The following TRAF3IP1 variants were observed in gnomAD, a reference collection of about 807,000 sequenced individuals.
TRAF3IP1 encodes TRAF3-interacting protein 1.
In TRAF3IP1, 53 loss-of-function variants were observed where a neutral mutation model predicts 89.9. The observed-to-expected ratio is 0.59, with a 90% CI of 0.47 to 0.74. The LOEUF (loss-of-function observed/expected upper bound fraction) is 0.74, where lower values mean the gene tolerates loss of function less well. Ranked by LOEUF, TRAF3IP1 falls within the 30% of genes least tolerant of loss-of-function variation. The pLI, the probability that TRAF3IP1 is intolerant of heterozygous loss-of-function variation, is 0.00. For missense variants in TRAF3IP1, 806 were observed against 866.1 expected, an observed-to-expected ratio of 0.93 and a Z score of 0.87; for synonymous variants, 311 against 322.1, an observed-to-expected ratio of 0.97 and a Z score of 0.37.
In TRAF3IP1 at chr2:238,348,819, A is replaced by T; in HGVS notation, c.1338A>T (p.Glu446Asp). The T allele has an allele frequency of 6.2e-7, 1 of 1,614,126 alleles. No homozygotes were observed. The highest frequency in any genetic ancestry group is 8.5e-7 in the Non-Finnish European group (1 of 1,180,000). The change falls in exon 11 of 17, where the codon GAA (glutamate) becomes GAT (aspartate). Residue 446 changes from glutamate (E) to aspartate (D), a missense_variant. This residue lies in a region of TRAF3IP1 where 732 missense variants were observed against 780.5 expected (regional missense o/e 0.94). Coordinates refer to ENST00000373327, the MANE Select transcript of TRAF3IP1 (RefSeq NM_015650.4). ...AGTCTGAGGTGCCAGAGACTCCAGA[A>T]ATTCCTAATGAGCTTTCATCCAACA... is the stretch of plus-strand genomic sequence containing the variant. Reference protein sequence around the residue: ...QDKSEVPETPEIPNELSSNIR... With the variant: ...QDKSEVPETPDIPNELSSNIR...
At chr2:238,382,017 G>A (rs1168893308) in intron 15 of TRAF3IP1, among the ~76,000 whole-genome samples, 7 of 152,120 alleles carry the variant, frequency 4.6e-5, no homozygotes, top group African/African-American at 1.7e-4. Context: ...ACCTGAAGCC[G>A]TAAAGAAGCA....
At chr2:238,348,180 C>A (rs1281701350) in intron 10 of TRAF3IP1, among the ~76,000 whole-genome samples, 8 of 150,170 alleles carry the variant, frequency 5.3e-5, no homozygotes, top group African/African-American at 1.7e-4. Flanking sequence ...ATATGGTATA[C>A]CAATGTAGAA....
chr2:238,391,078 C>T (rs1700975304), intron 15 of TRAF3IP1, among the ~76,000 whole-genome samples: 1 of 152,178 alleles, frequency 6.6e-6, no homozygotes, highest in Non-Finnish European at 1.5e-5. Flanking sequence ...GCTTAGCCTC[C>T]TGAGGAGCTG....
At position 238,334,920 on chromosome 2, in the gene TRAF3IP1, G is replaced by A. The variant is rs545493955; in HGVS notation, c.1063+885G>A. On this transcript the variant is annotated intron_variant, in intron 7 of 16. Coordinates refer to ENST00000373327, the MANE Select transcript of TRAF3IP1 (RefSeq NM_015650.4). ...TTCACCCCACACCTTCTCCAGTGTT[G>A]TTAAGGCATGCTGATTTTGATGGAC... Among the ~76,000 whole-genome samples, 4 of 152,308 alleles carry A rather than the reference G, an allele frequency of 2.6e-5. No homozygotes were observed. In the East Asian group the frequency reaches 7.7e-4, roughly 29 times the overall value.
intron 5 of TRAF3IP1, among the ~76,000 whole-genome samples, chr2:238,331,209 C>T (rs1458653851): frequency 6.6e-6 from 1 of 151,678 alleles, no homozygotes; most frequent in Non-Finnish European, 1.5e-5. Context: ...GCTTGTAATC[C>T]CAGCACTTTG....
At chr2:238,391,383 G>T (rs542139060) in intron 15 of TRAF3IP1, among the ~76,000 whole-genome samples, 2 of 152,314 alleles carry the variant, frequency 1.3e-5, no homozygotes, top group East Asian at 3.9e-4. Context: ...CTGGAAAATT[G>T]TTGATATATC....
chr2:238,395,384 A>C (rs1053125982), intron 15 of TRAF3IP1, among the ~76,000 whole-genome samples: 1 of 152,252 alleles, frequency 6.6e-6, no homozygotes, highest in Non-Finnish European at 1.5e-5. Flanking sequence ...AAATCAATTC[A>C]AAATGGATTA....
At chr2:238,343,751 A>C (rs1559366021) in intron 8 of TRAF3IP1, among the ~76,000 whole-genome samples, 2 of 150,986 alleles carry the variant, frequency 1.3e-5, no homozygotes, top group Admixed American at 6.6e-5. Flanking sequence ...TCCTGGACTC[A>C]AGTGATCCTA....
intron 15 of TRAF3IP1, among the ~76,000 whole-genome samples, chr2:238,377,406 T>C (rs961434865): frequency 2.5e-4 from 3 of 12,072 alleles, no homozygotes; most frequent in African/African-American, 8.5e-4. Context: ...TTTTTGTAGG[T>C]TCCCCCCCCA....
chr2:238,387,929 TA>T (rs1391718072), intron 15 of TRAF3IP1, among the ~76,000 whole-genome samples: 1 of 151,568 alleles, frequency 6.6e-6, no homozygotes, highest in Non-Finnish European at 1.5e-5. Flanking sequence ...AGTAAAAAAT[TA>T]AAAAAATTAG....
chr2:238,368,223 C>T (rs1320086942), intron 15 of TRAF3IP1, among the ~76,000 whole-genome samples: 1 of 152,132 alleles, frequency 6.6e-6, no homozygotes, highest in Non-Finnish European at 1.5e-5. Flanking sequence ...GTGGGTAAAG[C>T]AGGCTCAGGA....
At chr2:238,362,440 C>T (rs922464009) in intron 15 of TRAF3IP1, among the ~76,000 whole-genome samples, 7 of 152,106 alleles carry the variant, frequency 4.6e-5, no homozygotes, top group Middle Eastern at 3.2e-3. Flanking sequence ...TAGAGGTAGC[C>T]ATCCAGGTGG....
intron 14 of TRAF3IP1, among the ~76,000 whole-genome samples, chr2:238,354,744 G>C (rs368759236): frequency 6.6e-6 from 1 of 152,040 alleles, no homozygotes; most frequent in Non-Finnish European, 1.5e-5. Flanking sequence ...TCTGCCTCCC[G>C]GGGTCAAAAG....
In TRAF3IP1 at chr2:238,320,746, C is replaced by G; in HGVS notation, c.84C>G (p.Ser28Arg). The G allele has an allele frequency of 6.9e-7, 1 of 1,445,352 alleles. No individual in the cohort carries two copies. Among genetic ancestry groups the G allele is most frequent in the Non-Finnish European group, 9.2e-7 (1 of 1,087,378 alleles). The allele number at this position is 1,445,352 out of a possible 1,614,324, so 89.5% of individuals were successfully genotyped here. ...CGCCGCTGACCGAGAAGCTGCTGAG[C>G]AAGCCCCCGTTCCGCTACCTGCACG... ...RRPPLTEKLL[S>R]KPPFRYLHDI... Residue 28 changes from serine to arginine, a missense_variant, in exon 1 of 17, where the codon AGC (serine) becomes AGG (arginine). Physicochemically the swap from Ser to Arg is moderately radical, Grantham distance 110 (BLOSUM62 -1). Transcript: ENST00000373327.
intron 12 of TRAF3IP1, 120 bp from the exon 13 acceptor site, chr2:238,352,707 T>C: frequency 3.1e-6 from 3 of 974,562 alleles, no homozygotes. Flanking sequence ...CTTGAGATGC[T>C]GTTCTAGCTA....
At chr2:238,364,079 A>G (rs1699773158) in intron 15 of TRAF3IP1, among the ~76,000 whole-genome samples, 1 of 152,216 alleles carries the variant, frequency 6.6e-6, no homozygotes, top group Non-Finnish European at 1.5e-5. Flanking sequence ...TGTCTCATTA[A>G]AAAATACAAA....
At chr2:238,376,753 G>T (rs1334954678) in intron 15 of TRAF3IP1, among the ~76,000 whole-genome samples, 1 of 152,208 alleles carries the variant, frequency 6.6e-6, no homozygotes, top group Non-Finnish European at 1.5e-5. Flanking sequence ...ATTGCTGGTA[G>T]ATAGTAATGC....
At chr2:238,335,825 G>C (rs981530661) in intron 7 of TRAF3IP1, among the ~76,000 whole-genome samples, 4 of 148,786 alleles carry the variant, frequency 2.7e-5, no homozygotes, top group African/African-American at 9.9e-5. Context: ...TTTTGAGACG[G>C]AGTCTCACTC....
chr2:238,349,078 G>T (rs555726247), intron 11 of TRAF3IP1, among the ~76,000 whole-genome samples: 12 of 152,166 alleles, frequency 7.9e-5, no homozygotes, highest in Non-Finnish European at 1.3e-4. Flanking sequence ...GCTGAATTAT[G>T]TGATGTTTTG....
Sources: allele counts gnomAD v4.1 joint callset (sites outside exome capture counted in the v4.1 genomes callset), GRCh38; gene constraint gnomAD v4.1.1; regional missense constraint gnomAD v4.1.1; transcripts MANE v1.5; gene names NCBI Gene and HGNC (gene_info 2026-07-23, HGNC 2026-07-21).